Variants in MYL1 observed in about 807,000 individuals in gnomAD.
MYL1 encodes myosin light chain 1, also known as myosin light chain 1/3, skeletal muscle isoform.
MYL1 carries 16 observed loss-of-function variants against 21.8 expected under a neutral mutation model. That is an observed-to-expected ratio of 0.74 (90% confidence interval 0.50 to 1.12). The LOEUF is 1.12. Among genes scored for constraint, MYL1 ranks in the 50% most tolerant of loss-of-function variants. The probability of loss-of-function intolerance (pLI) is 0.00; values close to 1 mark genes in which losing one functional copy is unlikely to be tolerated. For synonymous variants in MYL1, 99 were observed against 85.2 expected (o/e 1.16, Z -0.89); for missense variants, 246 against 241.0 (o/e 1.02, Z -0.14).
intron 1 of MYL1, chr2:210,302,975 A>G (rs561135292): frequency 1.6e-6 from 1 of 608,006 alleles, no homozygotes; most frequent in East Asian, 2.8e-5. Flanking sequence ...AAAGATAATT[A>G]GGGAATATCT....
intron 5 of MYL1, among the ~76,000 whole-genome samples, 183 bp downstream of exon 5, chr2:210,293,540 C>T (rs1033615407): frequency 4.6e-5 from 7 of 152,180 alleles, no homozygotes; most frequent in Non-Finnish European, 8.8e-5. Context: ...CACAGTATTG[C>T]TAAAACACAC....
chr2:210,293,667 A>G, intron 5 of MYL1, 56 bp downstream of exon 5: 1 of 1,446,454 alleles, frequency 6.9e-7, no homozygotes, highest in Admixed American at 1.8e-5. Context: ...AAAGGAGCCC[A>G]TCATCAATCT....
intron 6 of MYL1, among the ~76,000 whole-genome samples, 152 bp from the exon 7 acceptor site, chr2:210,290,619 T>A (rs1690061094): frequency 6.6e-6 from 1 of 152,198 alleles, no homozygotes. Flanking sequence ...AAGAACCTGG[T>A]TGCAAGTGCT....
At chr2:210,302,400 A>C in intron 2 of MYL1, 88 bp downstream of exon 2, 35 of 1,206,298 alleles carry the variant, frequency 2.9e-5, no homozygotes, top group Non-Finnish European at 3.7e-5. Flanking sequence ...ATAATTAGGA[A>C]GAGCTAAACT....
rs763857482 is a variant in MYL1, at chr2:210,314,950, G to T, written c.93C>A (p.Ala31=). ...GGTCAATTTTTTCTTCTTTGGGTTT[G>T]GCTGGGGCAGGGGCAGGTGCAGGTG... is the stretch of plus-strand genomic sequence containing the variant. ...APAPAPAPAP[A]KPKEEKIDLS... is the part of the protein sequence containing the mutation. The change falls in exon 1 of 7, where the codon GCC becomes GCA. Residue 31 remains alanine, a synonymous_variant. Transcript: ENST00000352451. 1.2e-6 allele frequency: 2 copies of T among 1,613,802 alleles called. No individual in the cohort carries two copies. The highest frequency in any genetic ancestry group is 2.2e-5 in the South Asian group (2 of 91,064).
At chr2:210,311,063 G>C (rs908633299) in intron 1 of MYL1, among the ~76,000 whole-genome samples, 1 of 151,912 alleles carries the variant, frequency 6.6e-6, no homozygotes, top group Non-Finnish European at 1.5e-5. Context: ...ATATTGTGAG[G>C]ATTAAATAAG....
intron 1 of MYL1, among the ~76,000 whole-genome samples, chr2:210,306,740 G>A (rs1366543910): frequency 2.7e-5 from 4 of 149,316 alleles, no homozygotes; most frequent in Non-Finnish European, 4.4e-5. Context: ...TTTTTGAGAT[G>A]GAGTTTCGCT....
intron 1 of MYL1, among the ~76,000 whole-genome samples, chr2:210,311,268 C>T (rs1690415020): frequency 6.6e-6 from 1 of 151,930 alleles, no homozygotes; most frequent in South Asian, 2.1e-4. Context: ...AATCCTATAC[C>T]TGGGCCAAAA....
chr2:210,309,126 T>C (rs1690381180), intron 1 of MYL1, among the ~76,000 whole-genome samples: 1 of 152,120 alleles, frequency 6.6e-6, no homozygotes, highest in South Asian at 2.1e-4. Context: ...AATATTCTAC[T>C]GCACGATTTC....
chr2:210,294,493 G>T, intron 3 of MYL1, 75 bp from the exon 4 acceptor site: 1 of 1,356,506 alleles, frequency 7.4e-7, no homozygotes, highest in Non-Finnish European at 1.0e-6. Context: ...AACTTGAAAA[G>T]TTATTCTAGG....
intron 1 of MYL1, chr2:210,302,722 GC>G: frequency 6.4e-7 from 1 of 1,555,620 alleles, no homozygotes; most frequent in Non-Finnish European, 8.7e-7. Flanking sequence ...CAGAAACTAG[GC>G]AGTGCTGTGC....
intron 1 of MYL1, among the ~76,000 whole-genome samples, chr2:210,305,825 C>T (rs1416133491): frequency 6.6e-6 from 1 of 151,836 alleles, no homozygotes; most frequent in Non-Finnish European, 1.5e-5. Flanking sequence ...CTTTGGGAGG[C>T]CGAGGCGGGC....
intron 1 of MYL1, among the ~76,000 whole-genome samples, chr2:210,309,296 C>T (rs949160641): frequency 1.7e-4 from 20 of 118,694 alleles, no homozygotes; most frequent in Non-Finnish European, 2.4e-4. Context: ...AACTTCATAA[C>T]ACCATGTTCA....
In MYL1 at chr2:210,314,906, GT is replaced by G. The variant is rs1268312659; in HGVS notation, c.132+4del. 6.2e-7 allele frequency: 1 copy of G among 1,613,822 alleles called. No individual in the cohort carries two copies. The highest frequency in any genetic ancestry group is 8.5e-7 in the Non-Finnish European group (1 of 1,179,792). ...AGTGACCAAACAGTTCATCCATTTAGTTACCTTAATGGCAGAGAGGTCAATT... is the reference window on the plus strand; with the variant it reads ...AGTGACCAAACAGTTCATCCATTTAGTACCTTAATGGCAGAGAGGTCAATT... On this transcript the variant is annotated splice_donor_region_variant and intron_variant, in intron 1 of 6. Transcript: ENST00000352451.
At chr2:210,311,958 CAG>C (rs1690425244) in intron 1 of MYL1, among the ~76,000 whole-genome samples, 1 of 151,976 alleles carries the variant, frequency 6.6e-6, no homozygotes, top group Non-Finnish European at 1.5e-5. Flanking sequence ...AGCATTCCTT[CAG>C]AGAGTATCAT....
chr2:210,307,485 T>G (rs1007926735), intron 1 of MYL1, among the ~76,000 whole-genome samples: 2 of 152,222 alleles, frequency 1.3e-5, no homozygotes, highest in African/African-American at 4.8e-5. Flanking sequence ...CATTTTGAAT[T>G]ATTGTTTATG....
chr2:210,304,457 T>G (rs1690309894), intron 1 of MYL1, among the ~76,000 whole-genome samples: 1 of 152,208 alleles, frequency 6.6e-6, no homozygotes, highest in Admixed American at 6.5e-5. Context: ...TACTTCTGCC[T>G]TGGCAAACAC....
chr2:210,298,350 AC>A, intron 3 of MYL1, 69 bp downstream of exon 3: 1 of 1,539,596 alleles, frequency 6.5e-7, no homozygotes, highest in Non-Finnish European at 9.0e-7. Flanking sequence ...ACACACACAC[AC>A]ACACACACAC....
In MYL1 at chr2:210,291,122, G is replaced by A. The variant is rs768030832; in HGVS notation, c.557-48C>T. On this transcript the variant is annotated intron_variant, in intron 5 of 6. Transcript: ENST00000352451. ...ATAGACAATTTAGAGTTAGGAAACA[G>A]TCAAATTTAATAAAAGAGAGGTTTA... 79 of 1,481,774 alleles carry A rather than the reference G, an allele frequency of 5.3e-5. No individual in the cohort carries two copies. The Middle Eastern group carries it at 5.4e-4, about 10-fold the overall frequency. The allele number at this position is 1,481,774 out of a possible 1,614,324, so 91.8% of individuals were successfully genotyped here.
Sources: allele counts gnomAD v4.1 joint callset (sites outside exome capture counted in the v4.1 genomes callset), GRCh38; gene constraint gnomAD v4.1.1; transcripts MANE v1.5; gene names NCBI Gene and HGNC (gene_info 2026-07-23, HGNC 2026-07-21).